Variants in NEK1 observed in about 807,000 individuals in gnomAD.
The protein encoded by NEK1 is serine/threonine-protein kinase Nek1.
In NEK1, 137 loss-of-function variants were observed where a neutral mutation model predicts 182.1. The observed-to-expected ratio is 0.75, with a 90% CI of 0.65 to 0.87. The LOEUF (loss-of-function observed/expected upper bound fraction) is 0.87, where lower values mean the gene tolerates loss of function less well. NEK1 is among the 40% of genes least tolerant of loss of function. The pLI, the probability that NEK1 is intolerant of heterozygous loss-of-function variation, is 0.00. For missense variants in NEK1, 1,391 were observed against 1,494.4 expected, an observed-to-expected ratio of 0.93 and a Z score of 1.14; for synonymous variants, 513 against 492.2, an observed-to-expected ratio of 1.04 and a Z score of -0.56.
chr4:169,500,799 C>A (rs1580262629), intron 23 of NEK1, among the ~76,000 whole-genome samples: 1 of 152,170 alleles, frequency 6.6e-6, no homozygotes, highest in Non-Finnish European at 1.5e-5. Flanking sequence ...ATACTTGCTG[C>A]CACAAAAGTA....
intron 27 of NEK1, among the ~76,000 whole-genome samples, chr4:169,460,151 T>C (rs1428881822): frequency 2.0e-5 from 3 of 152,036 alleles, no homozygotes; most frequent in African/African-American, 7.2e-5. Flanking sequence ...ACTCTGTACT[T>C]TTCACTCAAT....
At chr4:169,568,888 G>T (rs1197493888) in intron 12 of NEK1, among the ~76,000 whole-genome samples, 1 of 143,894 alleles carries the variant, frequency 6.9e-6, no homozygotes, top group East Asian at 2.0e-4. Flanking sequence ...AGTGAGCCGA[G>T]ATCACGCCAT....
intron 23 of NEK1, among the ~76,000 whole-genome samples, chr4:169,505,852 A>G (rs923749705): frequency 3.3e-5 from 5 of 152,126 alleles, no homozygotes; most frequent in African/African-American, 7.2e-5. Flanking sequence ...TTCTGTTAGG[A>G]AAAAAAACCT....
At chr4:169,555,659 T>A (rs1322516009) in intron 18 of NEK1, 61 bp downstream of exon 18, 24 of 1,598,250 alleles carry the variant, frequency 1.5e-5, no homozygotes, top group Non-Finnish European at 2.1e-5. Context: ...GGTACTAAGC[T>A]ATGTATGACA....
At chr4:169,587,162 A>G (rs1467827442) in intron 9 of NEK1, among the ~76,000 whole-genome samples, 2 of 152,002 alleles carry the variant, frequency 1.3e-5, no homozygotes, top group Non-Finnish European at 2.9e-5. Flanking sequence ...GTCATCAGTG[A>G]GTATATGGAA....
intron 19 of NEK1, among the ~76,000 whole-genome samples, chr4:169,523,084 G>T (rs1317245234): frequency 6.6e-6 from 1 of 152,166 alleles, no homozygotes; most frequent in Non-Finnish European, 1.5e-5. Context: ...TAGAGGGAAG[G>T]AACAGGGAAA....
At chr4:169,601,222 A>G (rs996485263) in intron 4 of NEK1, among the ~76,000 whole-genome samples, 2 of 152,216 alleles carry the variant, frequency 1.3e-5, no homozygotes, top group African/African-American at 4.8e-5. Context: ...TAGTAACTTT[A>G]GCTCTAATTC....
chr4:169,446,017 A>G (rs1418002925), intron 27 of NEK1, among the ~76,000 whole-genome samples: 1 of 151,948 alleles, frequency 6.6e-6, no homozygotes, highest in East Asian at 1.9e-4. Context: ...TATAGGTGGG[A>G]GCTAAAAAAA....
intron 19 of NEK1, among the ~76,000 whole-genome samples, chr4:169,514,219 C>A (rs1580376323): frequency 6.6e-6 from 1 of 152,096 alleles, no homozygotes; most frequent in Non-Finnish European, 1.5e-5. Flanking sequence ...ATCTCTTGAC[C>A]TCAGGTGATC....
intron 26 of NEK1, 114 bp from the exon 27 acceptor site, chr4:169,463,509 A>C: frequency 1.7e-6 from 1 of 592,158 alleles, no homozygotes; most frequent in Non-Finnish European, 2.7e-6. Context: ...AAAAAAGGTT[A>C]TATCACAAAG....
At chr4:169,473,295 T>A (rs77104815) in intron 26 of NEK1, among the ~76,000 whole-genome samples, 12,902 of 147,104 alleles carry the variant, frequency 0.088, 668 homozygotes, top group East Asian at 0.17. Flanking sequence ...AAGTGGGAGC[T>A]AAACAATGGG....
intron 27 of NEK1, among the ~76,000 whole-genome samples, chr4:169,451,217 G>C (rs1171689746): frequency 1.3e-5 from 2 of 152,078 alleles, no homozygotes; most frequent in African/African-American, 4.8e-5. Flanking sequence ...GTCAATATTA[G>C]ACAGATCAAC....
intron 5 of NEK1, among the ~76,000 whole-genome samples, chr4:169,597,216 G>A (rs756723350): frequency 6.6e-6 from 1 of 152,156 alleles, no homozygotes; most frequent in Non-Finnish European, 1.5e-5. Context: ...TTCACCACAT[G>A]TATAGTAGGT....
At chr4:169,546,801 T>C (rs1298448497) in intron 18 of NEK1, among the ~76,000 whole-genome samples, 1 of 152,230 alleles carries the variant, frequency 6.6e-6, no homozygotes, top group Non-Finnish European at 1.5e-5. Context: ...TTGCAACCCC[T>C]GCTTTTTTTG....
Position 169,562,124 on chromosome 4 carries a change from G to A in NEK1, c.1080+13C>T. The A allele has an allele frequency of 6.7e-7, 1 of 1,502,462 alleles. No homozygotes were observed. The allele number at this position is 1,502,462 out of a possible 1,614,324, so 93.1% of individuals were successfully genotyped here. A position where few individuals can be genotyped will look rare whatever the true frequency, so the allele number is the denominator to read the frequency against. ...TGCAAAGCTTTAAAATAACCAGACA[G>A]ATGTCTTTATACCTCAGATATTTTC... is the stretch of plus-strand genomic sequence containing the variant. On this transcript the variant is annotated intron_variant, in intron 13 of 35. Coordinates refer to ENST00000507142, the MANE Select transcript of NEK1 (RefSeq NM_001199397.3).
intron 26 of NEK1, among the ~76,000 whole-genome samples, chr4:169,463,750 A>T (rs1357322541): frequency 6.6e-6 from 1 of 152,144 alleles, no homozygotes; most frequent in Admixed American, 6.6e-5. Flanking sequence ...ATATGTGCAT[A>T]TACATAACGA....
intron 23 of NEK1, among the ~76,000 whole-genome samples, chr4:169,489,104 T>A (rs551090093): frequency 6.6e-6 from 1 of 152,336 alleles, no homozygotes; most frequent in African/African-American, 2.4e-5. Flanking sequence ...AATAAACAGA[T>A]GTTTCCTGAA....
intron 23 of NEK1, among the ~76,000 whole-genome samples, chr4:169,484,206 G>A (rs1214813518): frequency 6.6e-6 from 1 of 152,062 alleles, no homozygotes; most frequent in Admixed American, 6.6e-5. Context: ...GTGCCACCAT[G>A]CCCAGCACAT....
intron 12 of NEK1, among the ~76,000 whole-genome samples, chr4:169,575,904 T>A (rs1208002891): frequency 3.3e-5 from 5 of 152,048 alleles, no homozygotes; most frequent in Non-Finnish European, 7.4e-5. Flanking sequence ...TATTACTGCA[T>A]GCTTTAAAAA....
Sources: allele counts gnomAD v4.1 joint callset (sites outside exome capture counted in the v4.1 genomes callset), GRCh38; gene constraint gnomAD v4.1.1; transcripts MANE v1.5; gene names NCBI Gene and HGNC (gene_info 2026-07-23, HGNC 2026-07-21).